The following STX17 variants were observed in gnomAD, a reference collection of about 807,000 sequenced individuals.
STX17 encodes the protein syntaxin-17.
A neutral mutation model predicts 35.9 loss-of-function variants in STX17; 29 were observed. The ratio of observed to expected loss-of-function variants is 0.81; its 90% CI spans 0.60 to 1.10. The LOEUF is 1.10. STX17 is among the 50% of genes least tolerant of loss of function. The probability of loss-of-function intolerance (pLI) is 0.00; values close to 1 mark genes in which losing one functional copy is unlikely to be tolerated. For synonymous variants in STX17, 92 were observed against 118.3 expected (o/e 0.78, Z 1.44); for missense variants, 312 against 352.3 (o/e 0.89, Z 0.92).
rs1829586031 is a variant in STX17, at chr9:99,951,194, C to G, written c.324C>G (p.Leu108=). The G allele has an allele frequency of 6.2e-7, 1 of 1,612,956 alleles. No individual in the cohort carries two copies. Among genetic ancestry groups the G allele is most frequent in the South Asian group, 1.1e-5 (1 of 91,038 alleles). The change falls in exon 4 of 8, where the codon CTC becomes CTG. Residue 108 remains leucine (L), a synonymous_variant. Transcript: ENST00000259400. The part of the protein sequence containing the change: ...ASAATAEFLQ[L]HLESVEELKK... ...CAGCAACAGCAGAATTTCTCCAACT[C>G]CATTTGGAATCTGTAGAAGAACTTA...
At chr9:99,924,509 G>A (rs1828951641) in intron 2 of STX17, among the ~76,000 whole-genome samples, 1 of 152,024 alleles carries the variant, frequency 6.6e-6, no homozygotes, top group African/African-American at 2.4e-5. Context: ...TGTGTTGTTG[G>A]TTTTGTATTT....
chr9:99,968,433 G>T lies in STX17; in HGVS notation c.670-1G>T. Reference sequence around the variant, plus strand: ...AAATTGAATTTTTTTTTTTTTTACAGGCTGCAAAATACAAGCTGGCAGCTC... The same window carrying T: ...AAATTGAATTTTTTTTTTTTTTACATGCTGCAAAATACAAGCTGGCAGCTC... On this transcript the variant is annotated splice_acceptor_variant, in intron 7 of 7. Transcript: ENST00000259400. LOFTEE classifies it high-confidence loss of function. The T allele has an allele frequency of 2.0e-6, 3 of 1,514,830 alleles. No individual in the cohort carries two copies. The highest frequency in any genetic ancestry group is 1.3e-5 in the South Asian group (1 of 74,572). 93.8% of individuals were successfully genotyped at this position (1,514,830 alleles called of 1,614,324 possible).
At chr9:99,961,988 A>G (rs1007765506) in intron 6 of STX17, among the ~76,000 whole-genome samples, 8 of 152,158 alleles carry the variant, frequency 5.3e-5, no homozygotes, top group Non-Finnish European at 1.2e-4. Context: ...TACGTACTGA[A>G]CAAATTTTGC....
chr9:99,948,705 T>C (rs886393079), intron 3 of STX17, among the ~76,000 whole-genome samples: 4 of 152,172 alleles, frequency 2.6e-5, no homozygotes, highest in Non-Finnish European at 4.4e-5. Flanking sequence ...TTTATGTTTT[T>C]GTTATCATTG....
At chr9:99,958,688 A>G (rs984302542) in intron 4 of STX17, among the ~76,000 whole-genome samples, 1 of 152,232 alleles carries the variant, frequency 6.6e-6, no homozygotes, top group Non-Finnish European at 1.5e-5. Context: ...ATGGTTTGCC[A>G]TTGTGTCTGC....
intron 3 of STX17, among the ~76,000 whole-genome samples, chr9:99,944,084 C>G (rs1033944886): frequency 9.9e-5 from 15 of 151,892 alleles, no homozygotes; most frequent in African/African-American, 3.6e-4. Context: ...TCTAAGTTTT[C>G]TAATTTATTG....
At chr9:99,928,691 G>A (rs1035454329) in intron 2 of STX17, 87 bp from the exon 3 acceptor site, 11 of 1,090,114 alleles carry the variant, frequency 1.0e-5, no homozygotes, top group Admixed American at 5.5e-5. Flanking sequence ...GTTTAAGTTT[G>A]GGTGGGTGAG....
chr9:99,932,155 C>G (rs1012441860), intron 3 of STX17, among the ~76,000 whole-genome samples: 6 of 152,100 alleles, frequency 3.9e-5, no homozygotes, highest in African/African-American at 1.4e-4. Context: ...AGCCCTGTAC[C>G]TGGTGTTTCT....
chr9:99,960,711 G>A (rs1398346790), intron 6 of STX17, among the ~76,000 whole-genome samples: 2 of 152,132 alleles, frequency 1.3e-5, no homozygotes, highest in Non-Finnish European at 2.9e-5. Context: ...CAAAGTTCTG[G>A]GATTACAGGC....
Position 99,973,450 on chromosome 9 carries a change from A to C in STX17, c.*4777A>C, listed in dbSNP as rs1830051759. ...AAAGATAATTGGACGGGGAATCCTG[A>C]GATCAGAGTCCTAGTTTGGCTTTGT... On this transcript the variant is annotated 3_prime_UTR_variant, in exon 8 of 8. Coordinates refer to ENST00000259400, the MANE Select transcript of STX17 (RefSeq NM_017919.3). 6.6e-6 allele frequency among the ~76,000 whole-genome samples: 1 copy of C among 152,212 alleles called. No homozygotes were observed. The highest frequency in any genetic ancestry group is 2.4e-5 in the African/African-American group (1 of 41,458).
chr9:99,926,056 C>G (rs1051109621), intron 2 of STX17, among the ~76,000 whole-genome samples: 1 of 151,922 alleles, frequency 6.6e-6, no homozygotes, highest in Non-Finnish European at 1.5e-5. Context: ...GTTTCTATTG[C>G]TGTGTCCTTA....
intron 2 of STX17, chr9:99,915,916 C>A (rs1828758822): frequency 7.6e-6 from 3 of 395,926 alleles, no homozygotes; most frequent in Non-Finnish European, 1.5e-5. Flanking sequence ...AATTAAGATA[C>A]AAATTGATTG....
Position 99,959,135 on chromosome 9 carries a change from AT to A in STX17, c.416-780del, listed in dbSNP as rs562658328. ...TTATATAGGTACGTCTCCTTGGAAC[AT>A]TGGCCAAGTAGAATAGTTTTCTTTT... On this transcript the variant is annotated intron_variant, in intron 4 of 7. Coordinates refer to ENST00000259400, the MANE Select transcript of STX17 (RefSeq NM_017919.3). 3.3e-3 allele frequency among the ~76,000 whole-genome samples: 504 copies of A among 152,328 alleles called. 3 individuals carry two copies. The highest frequency in any genetic ancestry group is 3.5e-3 in the Non-Finnish European group (236 of 68,024).
chr9:99,920,078 A>G (rs999965574), intron 2 of STX17, among the ~76,000 whole-genome samples: 2 of 152,182 alleles, frequency 1.3e-5, no homozygotes, highest in Non-Finnish European at 2.9e-5. Flanking sequence ...AACCCCATTC[A>G]GTTTCCTTCC....
chr9:99,953,116 C>T (rs1003115251), intron 4 of STX17, among the ~76,000 whole-genome samples: 1 of 151,792 alleles, frequency 6.6e-6, no homozygotes, highest in Non-Finnish European at 1.5e-5. Flanking sequence ...CAGGGCACTC[C>T]TGCATCACTA....
intron 2 of STX17, among the ~76,000 whole-genome samples, chr9:99,922,073 T>C (rs981095024): frequency 1.3e-5 from 2 of 152,166 alleles, no homozygotes; most frequent in African/African-American, 4.8e-5. Context: ...TACTTCCTAC[T>C]CAGCACGTCC....
chr9:99,935,424 T>C (rs1177709332), intron 3 of STX17, among the ~76,000 whole-genome samples: 1 of 152,112 alleles, frequency 6.6e-6, no homozygotes, highest in East Asian at 1.9e-4. Flanking sequence ...TGTTCTTTTT[T>C]AAAAACTTAT....
At chr9:99,916,208 G>C (rs1828766445) in intron 2 of STX17, 4 of 386,214 alleles carry the variant, frequency 1.0e-5, no homozygotes, top group South Asian at 5.9e-5. Flanking sequence ...CTATGATAGA[G>C]GTTGCATAGA....
Position 99,945,607 on chromosome 9 carries a change from A to G in STX17, c.190-5453A>G. The G allele has an allele frequency of 1.0e-5, 2 of 197,258 alleles. 1 individual carries two copies. The highest frequency in any genetic ancestry group is 1.3e-4 in the South Asian group (2 of 15,482). The allele number at this position is 197,258 out of a possible 1,614,324, so 12.2% of individuals were successfully genotyped here. ...TAATTATCGATATATTTAGGTTTAA[A>G]TCTTTCACCTTATTGTGTGCTATTT... On this transcript the variant is annotated intron_variant, in intron 3 of 7. Transcript: ENST00000259400.
Sources: gnomAD v4.1 joint callset for allele counts (sites outside exome capture counted in the v4.1 genomes callset) on GRCh38, gnomAD v4.1.1 for gene constraint, MANE v1.5 for transcripts, NCBI Gene and HGNC (gene_info 2026-07-23, HGNC 2026-07-21) for gene names.